Variants in FA2H observed in about 807,000 individuals in gnomAD.
FA2H encodes fatty acid 2-hydroxylase.
FA2H carries 22 observed loss-of-function variants against 44.9 expected under a neutral mutation model. That is an observed-to-expected ratio of 0.49 (90% CI 0.35 to 0.70). The LOEUF is 0.70. Ranked by LOEUF, FA2H falls within the 30% of genes least tolerant of loss-of-function variation. FA2H has a pLI of 0.01. For synonymous variants in FA2H, 243 were observed against 213.2 expected (o/e 1.14, Z -1.22); for missense variants, 501 against 504.9 (o/e 0.99, Z 0.07).
intron 5 of FA2H, among the ~76,000 whole-genome samples, chr16:74,718,474 C>T (rs760412438): frequency 2.0e-4 from 31 of 152,066 alleles, no homozygotes; most frequent in Non-Finnish European, 4.1e-4. Flanking sequence ...TGATTGAGAG[C>T]GCAGACTCTG....
At chr16:74,738,563 G>T (rs1296015763) in intron 2 of FA2H, among the ~76,000 whole-genome samples, 1 of 152,158 alleles carries the variant, frequency 6.6e-6, no homozygotes, top group Non-Finnish European at 1.5e-5. Context: ...TGCCACATTT[G>T]TTCAGTCCCG....
rs778716914 is a variant in FA2H, at chr16:74,714,139, C to T, written c.*51G>A. ...TGGGGTCTGAATGGCGGGTGGGGGT[C>T]GGGAAGGGGCCAGGGCCGGGCTGAG... On this transcript the variant is annotated 3_prime_UTR_variant, in exon 7 of 7. Transcript: ENST00000219368. 3.5e-6 allele frequency: 4 copies of T among 1,132,256 alleles called. No individual in the cohort carries two copies. Among genetic ancestry groups the T allele is most frequent in the East Asian group, 2.9e-5 (1 of 34,666 alleles). 70.1% of individuals were successfully genotyped at this position (1,132,256 alleles called of 1,614,324 possible).
intron 1 of FA2H, among the ~76,000 whole-genome samples, chr16:74,770,889 C>T (rs112826622): frequency 0.012 from 1,824 of 152,326 alleles, 40 homozygotes; most frequent in African/African-American, 0.042. Flanking sequence ...GGCTCTTAGG[C>T]AACAGATGAG....
chr16:74,763,268 T>G (rs183694806), intron 1 of FA2H, among the ~76,000 whole-genome samples: 1 of 151,872 alleles, frequency 6.6e-6, no homozygotes, highest in Non-Finnish European at 1.5e-5. Context: ...TTTTTTTTTG[T>G]TTTTTTTGAG....
intron 1 of FA2H, among the ~76,000 whole-genome samples, chr16:74,744,064 C>T (rs975828544): frequency 1.2e-4 from 18 of 152,210 alleles, no homozygotes; most frequent in South Asian, 2.1e-4. Context: ...ACCTGGGGCA[C>T]GCCAGGACTC....
chr16:74,768,254 C>T (rs1411637445), intron 1 of FA2H, among the ~76,000 whole-genome samples: 3 of 152,066 alleles, frequency 2.0e-5, no homozygotes, highest in Non-Finnish European at 2.9e-5. Flanking sequence ...AATTTTTGAC[C>T]CTCTTCCCAA....
At chr16:74,733,741 G>A (rs1392547276) in intron 2 of FA2H, among the ~76,000 whole-genome samples, 1 of 152,118 alleles carries the variant, frequency 6.6e-6, no homozygotes, top group Non-Finnish European at 1.5e-5. Context: ...GACACATTTC[G>A]CTTCCTGCTC....
At chr16:74,736,621 T>G (rs1962186616) in intron 2 of FA2H, among the ~76,000 whole-genome samples, 1 of 152,230 alleles carries the variant, frequency 6.6e-6, no homozygotes. Context: ...TGCGTCTATC[T>G]GTCCCTTGAG....
Position 74,731,299 on chromosome 16 carries a change from T to A in FA2H, c.364-3913A>T, listed in dbSNP as rs1962067180. On this transcript the variant is annotated intron_variant, in intron 2 of 6. Transcript: ENST00000219368. ...ATAGGCGCCCACCACCACGTCTGGC[T>A]TTTTTTTTTTTTTTTGTATTTTTAG... 5.9e-5 allele frequency among the ~76,000 whole-genome samples: 6 copies of A among 101,514 alleles called. No individual in the cohort carries two copies. In the South Asian group the frequency reaches 1.8e-3, roughly 30 times the overall value. The allele number at this position is 101,514 out of a possible 152,430, so 66.6% of individuals were successfully genotyped here.
At chr16:74,725,998 C>T in intron 4 of FA2H, 1 of 527,158 alleles carries the variant, frequency 1.9e-6, no homozygotes. Context: ...CCGATGATTC[C>T]ATTTAGTTTC....
chr16:74,734,226 G>A (rs1184467992), intron 2 of FA2H, among the ~76,000 whole-genome samples: 1 of 152,214 alleles, frequency 6.6e-6, no homozygotes, highest in East Asian at 1.9e-4. Context: ...CCAGGCATCT[G>A]GGGGCTCCCA....
chr16:74,724,973 C>T (rs1418619911), intron 4 of FA2H, among the ~76,000 whole-genome samples: 1 of 152,176 alleles, frequency 6.6e-6, no homozygotes, highest in Non-Finnish European at 1.5e-5. Flanking sequence ...CCAGCCCTGG[C>T]GGCCCTGCCA....
intron 1 of FA2H, among the ~76,000 whole-genome samples, chr16:74,751,333 C>T (rs1259644800): frequency 1.3e-5 from 2 of 151,996 alleles, no homozygotes; most frequent in African/African-American, 2.4e-5. Flanking sequence ...TGACCTCAGG[C>T]GACCCACCCG....
rs1288777169 is a variant in FA2H, at chr16:74,774,501, G to A, written c.255C>T (p.Leu85=). Residue 85 remains leucine, a synonymous_variant, in exon 1 of 7, where the codon CTC becomes CTT. Coordinates refer to ENST00000219368, the MANE Select transcript of FA2H (RefSeq NM_024306.5). Reference sequence around the variant, plus strand: ...CCGGCTGTACCTGCTGCTCCCCGCGGAGCTCTCCCACGTAGTACTGCTCCA... The same window carrying A: ...CCGGCTGTACCTGCTGCTCCCCGCGAAGCTCTCCCACGTAGTACTGCTCCA... ...RWLEQYYVGE[L]RGEQQGSMEN... is the part of the protein sequence containing the mutation. 2.6e-6 allele frequency: 4 copies of A among 1,542,644 alleles called. No individual in the cohort carries two copies. The highest frequency in any genetic ancestry group is 1.7e-4 in the Middle Eastern group (1 of 5,748).
chr16:74,726,441 T>A (rs1171488318), intron 3 of FA2H, 110 bp from the exon 4 acceptor site: 4 of 709,870 alleles, frequency 5.6e-6, no homozygotes, highest in Non-Finnish European at 9.9e-6. Flanking sequence ...CAGGCTGGAG[T>A]GCAATGGCGT....
chr16:74,752,313 A>T (rs796262480), intron 1 of FA2H, among the ~76,000 whole-genome samples: 2 of 152,256 alleles, frequency 1.3e-5, no homozygotes, highest in African/African-American at 4.8e-5. Context: ...AAAATCCTCC[A>T]GTGGCCGCCC....
chr16:74,743,439 T>C (rs538824022), intron 1 of FA2H, among the ~76,000 whole-genome samples: 29 of 151,894 alleles, frequency 1.9e-4, no homozygotes, highest in Middle Eastern at 3.4e-3. Context: ...ACCGGAGGAG[T>C]CCCTGCTCTG....
At chr16:74,758,206 C>G (rs1276068478) in intron 1 of FA2H, among the ~76,000 whole-genome samples, 2 of 150,612 alleles carry the variant, frequency 1.3e-5, no homozygotes, top group Non-Finnish European at 3.0e-5. Flanking sequence ...TTGCAACCTC[C>G]GCCTCCTGGG....
intron 1 of FA2H, among the ~76,000 whole-genome samples, chr16:74,770,504 G>A (rs1393062110): frequency 6.6e-6 from 1 of 152,150 alleles, no homozygotes; most frequent in African/African-American, 2.4e-5. Flanking sequence ...TCAGCCTCCT[G>A]AGTAGCTGGG....
Sources: allele counts gnomAD v4.1 joint callset (sites outside exome capture counted in the v4.1 genomes callset), GRCh38; gene constraint gnomAD v4.1.1; transcripts MANE v1.5; gene names NCBI Gene and HGNC (gene_info 2026-07-23, HGNC 2026-07-21).